Variants in PPARD observed in about 807,000 individuals in gnomAD.
PPARD encodes the protein peroxisome proliferator-activated receptor delta.
A neutral mutation model predicts 39.5 loss-of-function variants in PPARD; 6 were observed. The observed-to-expected ratio is 0.15, with a 90% CI of 0.08 to 0.30. The LOEUF (loss-of-function observed/expected upper bound fraction) is 0.30, where lower values mean the gene tolerates loss of function less well. Ranked by LOEUF, PPARD falls within the 10% of genes least tolerant of loss-of-function variation. The pLI, the probability that PPARD is intolerant of heterozygous loss-of-function variation, is 1.00. For missense variants in PPARD, 397 were observed against 596.8 expected (o/e 0.67, Z 3.49); for synonymous variants, 210 against 231.3 (o/e 0.91, Z 0.83).
intron 2 of PPARD, among the ~76,000 whole-genome samples, chr6:35,372,724 T>G (rs1377859740): frequency 6.6e-6 from 1 of 152,198 alleles, no homozygotes; most frequent in African/African-American, 2.4e-5. Context: ...CTATATGAGA[T>G]AGATGACAAA....
intron 2 of PPARD, among the ~76,000 whole-genome samples, chr6:35,355,845 T>C (rs563417258): frequency 2.8e-4 from 43 of 151,768 alleles, no homozygotes; most frequent in African/African-American, 1.0e-3. Flanking sequence ...TCTCCTGACC[T>C]TGTGATCCGC....
intron 2 of PPARD, among the ~76,000 whole-genome samples, chr6:35,355,594 TCTTC>T (rs1212131557): frequency 4.7e-4 from 49 of 104,412 alleles, no homozygotes; most frequent in African/African-American, 2.1e-3. Context: ...TTCTTCTTCT[TCTTC>T]TTTTTTTTTT....
intron 2 of PPARD, among the ~76,000 whole-genome samples, chr6:35,386,014 T>C (rs1392066661): frequency 6.6e-6 from 1 of 152,046 alleles, no homozygotes; most frequent in Non-Finnish European, 1.5e-5. Context: ...CTTATGAGGT[T>C]GGACTGTGAC....
At chr6:35,407,717 G>T (rs910362035) in intron 2 of PPARD, among the ~76,000 whole-genome samples, 2 of 149,328 alleles carry the variant, frequency 1.3e-5, no homozygotes, top group East Asian at 3.9e-4. Context: ...TGAAAAAAAA[G>T]ATTTCAGCTA....
At chr6:35,422,733 A>T (rs1364943947) in intron 5 of PPARD, among the ~76,000 whole-genome samples, 1 of 151,332 alleles carries the variant, frequency 6.6e-6, no homozygotes, top group Non-Finnish European at 1.5e-5. Flanking sequence ...TCTGGGTTTG[A>T]CTCCTTTCTT....
chr6:35,413,930 C>T (rs911302432), intron 3 of PPARD, among the ~76,000 whole-genome samples: 2 of 152,062 alleles, frequency 1.3e-5, no homozygotes, highest in East Asian at 3.9e-4. Flanking sequence ...CCTCCCGCCT[C>T]GGCCTCCCAA....
rs200184735 is a variant in PPARD, at chr6:35,426,160, G to C, written c.*81G>C. ...ACCCACATGACTTTTCCATTGACCAGCCCTTGAGCACCCGGCCTGGAGCAG... is the reference window on the plus strand; with the variant it reads ...ACCCACATGACTTTTCCATTGACCACCCCTTGAGCACCCGGCCTGGAGCAG... On this transcript the variant is annotated 3_prime_UTR_variant, in exon 8 of 8. Transcript: ENST00000360694. 9.0e-5 allele frequency: 138 copies of C among 1,538,162 alleles called. 2 individuals are homozygous for C. The Middle Eastern group carries it at 1.4e-3, about 15-fold the overall frequency.
intron 3 of PPARD, among the ~76,000 whole-genome samples, chr6:35,414,729 A>G (rs1043241772): frequency 2.0e-5 from 3 of 152,032 alleles, no homozygotes; most frequent in Admixed American, 6.5e-5. Context: ...CCCCATCCCC[A>G]TGAGTTATTA....
chr6:35,426,436 T>G lies in PPARD; in HGVS notation c.*357T>G, dbSNP rs1340469779. ...CTCCTTTCTTATTCTGTGAGATGTTTTGTATTATTTCACCAGCAGCATAGA... is the reference window on the plus strand; with the variant it reads ...CTCCTTTCTTATTCTGTGAGATGTTGTGTATTATTTCACCAGCAGCATAGA... On this transcript the variant is annotated 3_prime_UTR_variant, in exon 8 of 8. Coordinates refer to ENST00000360694, the MANE Select transcript of PPARD (RefSeq NM_006238.5). 8 of 318,338 alleles carry G rather than the reference T, an allele frequency of 2.5e-5. No individual in the cohort carries two copies. In the Admixed American group the frequency reaches 2.9e-4, roughly 11 times the overall value. 19.7% of individuals were successfully genotyped at this position (318,338 alleles called of 1,614,324 possible). A position where few individuals can be genotyped will look rare whatever the true frequency, so the allele number is the denominator to read the frequency against.
intron 2 of PPARD, among the ~76,000 whole-genome samples, chr6:35,381,673 TCTC>T (rs1185534284): frequency 6.6e-6 from 1 of 152,180 alleles, no homozygotes; most frequent in Non-Finnish European, 1.5e-5. Context: ...AGCTTCAGCT[TCTC>T]CTCCTTGCCT....
intron 2 of PPARD, among the ~76,000 whole-genome samples, chr6:35,405,534 G>A (rs1211124028): frequency 6.6e-6 from 1 of 151,596 alleles, no homozygotes; most frequent in East Asian, 1.9e-4. Flanking sequence ...GGGGCGTGGA[G>A]AGGGGAGATA....
At chr6:35,349,925 A>G (rs1054858270) in intron 2 of PPARD, among the ~76,000 whole-genome samples, 1 of 151,914 alleles carries the variant, frequency 6.6e-6, no homozygotes, top group Non-Finnish European at 1.5e-5. Flanking sequence ...TATTTTTAGT[A>G]GAGATGGGGT....
intron 2 of PPARD, among the ~76,000 whole-genome samples, chr6:35,357,537 AC>A (rs1010740171): frequency 7.0e-6 from 1 of 143,304 alleles, no homozygotes; most frequent in African/African-American, 2.6e-5. Flanking sequence ...TCCACTGCCT[AC>A]TTTTTTTTTT....
chr6:35,359,031 G>A (rs932393657), intron 2 of PPARD, among the ~76,000 whole-genome samples: 18 of 152,180 alleles, frequency 1.2e-4, no homozygotes, highest in African/African-American at 7.2e-5. Context: ...GTCTCACCAC[G>A]AAGGTGACAT....
chr6:35,347,693 C>A (rs1319888717), intron 2 of PPARD, among the ~76,000 whole-genome samples: 1 of 152,036 alleles, frequency 6.6e-6, no homozygotes, highest in East Asian at 1.9e-4. Context: ...ACTGCCACCT[C>A]CTTCTCCTGG....
chr6:35,350,612 CTTTTTTTTTTTTT>C (rs959545502), intron 2 of PPARD, among the ~76,000 whole-genome samples: 1 of 104,592 alleles, frequency 9.6e-6, no homozygotes, highest in African/African-American at 4.2e-5. Context: ...GTCTATGTGT[CTTTTTTTTTTTTT>C]TTTTTTTTTC....
At chr6:35,402,310 T>C (rs534320812) in intron 2 of PPARD, among the ~76,000 whole-genome samples, 57 of 152,364 alleles carry the variant, frequency 3.7e-4, no homozygotes, top group African/African-American at 1.3e-3. Context: ...CTTCTCTTTG[T>C]GAAAACCACA....
chr6:35,409,864 A>G (rs1042476688), intron 2 of PPARD, among the ~76,000 whole-genome samples: 4 of 152,204 alleles, frequency 2.6e-5, no homozygotes, highest in African/African-American at 9.6e-5. Context: ...CCAATGTCCA[A>G]GCTGCTCCCC....
rs139560627 is a variant in PPARD at position 35,379,576 on chromosome 6, C to T, written c.-101-31411C>T. On this transcript the variant is annotated intron_variant, in intron 2 of 7. Coordinates refer to ENST00000360694, the MANE Select transcript of PPARD (RefSeq NM_006238.5). The stretch of plus-strand genomic sequence containing the variant: ...CTCTTCTTAGAGAGGAGAGCTTGCA[C>T]TCTAGTTGGAGAGAATTCCTAGCAC... Among the ~76,000 whole-genome samples the T allele has an allele frequency of 1.1e-4, 16 of 152,352 alleles. No homozygotes were observed. In the East Asian group the frequency reaches 2.3e-3, roughly 22 times the overall value.
Sources: allele counts gnomAD v4.1 joint callset (sites outside exome capture counted in the v4.1 genomes callset), GRCh38; gene constraint gnomAD v4.1.1; transcripts MANE v1.5; gene names NCBI Gene and HGNC (gene_info 2026-07-23, HGNC 2026-07-21).